The following KCTD4 variants were observed in gnomAD, a reference collection of about 807,000 sequenced individuals.
KCTD4 encodes the protein potassium channel tetramerization domain containing 4.
A neutral mutation model predicts 18.3 loss-of-function variants in KCTD4; 12 were observed. The ratio of observed to expected loss-of-function variants is 0.66; its 90% CI spans 0.42 to 1.06. The LOEUF is 1.06. Among genes scored for constraint, KCTD4 ranks in the 50% least tolerant of loss-of-function variants. The pLI is 0.00. For missense variants in KCTD4, 250 were observed against 303.4 expected, an observed-to-expected ratio of 0.82 and a Z score of 1.31; for synonymous variants, 124 against 110.5, an observed-to-expected ratio of 1.12 and a Z score of -0.76.
At position 45,194,077 on chromosome 13, in the gene KCTD4, A is replaced by C. The variant is rs1028298701; in HGVS notation, c.491T>G (p.Phe164Cys). 20 of 1,614,008 alleles carry C rather than the reference A, an allele frequency of 1.2e-5. No individual in the cohort carries two copies. Among genetic ancestry groups the C allele is most frequent in the Non-Finnish European group, 1.7e-5 (20 of 1,180,024 alleles). ...GLRIFCNAPD[F>C]ISKIKSRIVL... ...AATGCGAGACTTTATTTTTGATATG[A>C]AATCAGGAGCATTACAGAAGATTCT... The change falls in exon 2 of 2, where the codon TTC (phenylalanine) becomes TGC (cysteine). Residue 164 changes from phenylalanine (F) to cysteine (C), a missense_variant. By Grantham distance (205) the Phe-to-Cys change is radical. Coordinates refer to ENST00000379108, the MANE Select transcript of KCTD4 (RefSeq NM_198404.3).
chr13:45,197,142 C>T (rs1005795563), intron 1 of KCTD4, among the ~76,000 whole-genome samples: 15 of 151,776 alleles, frequency 9.9e-5, no homozygotes, highest in African/African-American at 3.6e-4. Context: ...GTCTTAGTGC[C>T]TGGCTTATAC....
chr13:45,193,938 T>G lies in KCTD4; in HGVS notation c.630A>C (p.Leu210=). The change falls in exon 2 of 2, where the codon CTA becomes CTC. Residue 210 remains leucine, a synonymous_variant. Coordinates refer to ENST00000379108, the MANE Select transcript of KCTD4 (RefSeq NM_198404.3). ...TACAGACAAAGGTGTTGTCTTCCTT[T>G]AGTACAAGTCGAGTGCCATTTTCAG... ...IKSENGTRLV[L]KEDNTFVCTL... is the part of the protein sequence containing the mutation. The G allele has an allele frequency of 1.2e-6, 2 of 1,614,170 alleles. No individual in the cohort carries two copies. The highest frequency in any genetic ancestry group is 1.7e-6 in the Non-Finnish European group (2 of 1,180,012).
In KCTD4 at chr13:45,193,642, C is replaced by T. The variant is rs1488702325; in HGVS notation, c.*146G>A. 5.9e-6 allele frequency: 4 copies of T among 680,224 alleles called. No homozygotes were observed. The highest frequency in any genetic ancestry group is 7.4e-6 in the Non-Finnish European group (3 of 407,706). The allele number at this position is 680,224 out of a possible 1,614,324, so 42.1% of individuals were successfully genotyped here. ...AGGACATCTTTAGCGATAGAATTTA[C>T]ATACCGTTAGCTCACAGTAATTGAT... On this transcript the variant is annotated 3_prime_UTR_variant, in exon 2 of 2. Coordinates refer to ENST00000379108, the MANE Select transcript of KCTD4 (RefSeq NM_198404.3).
At chr13:45,200,621 G>A (rs1391592565) in intron 1 of KCTD4, among the ~76,000 whole-genome samples, 2 of 152,194 alleles carry the variant, frequency 1.3e-5, no homozygotes, top group Non-Finnish European at 2.9e-5. Flanking sequence ...ATAGAGATCA[G>A]AATATTACTT....
At chr13:45,195,458 G>T (rs1363335266) in intron 1 of KCTD4, among the ~76,000 whole-genome samples, 2 of 152,132 alleles carry the variant, frequency 1.3e-5, no homozygotes, top group Non-Finnish European at 2.9e-5. Flanking sequence ...TGTATATACC[G>T]TAGGAAGATA....
Position 45,194,254 on chromosome 13 carries a change from C to A in KCTD4, c.314G>T (p.Arg105Leu). The A allele has an allele frequency of 6.2e-7, 1 of 1,614,102 alleles. No homozygotes were observed. Among genetic ancestry groups the A allele is most frequent in the Non-Finnish European group, 8.5e-7 (1 of 1,180,004 alleles). ...NGELLLPEGF[R>L]ENQLLAQEAE... Reference sequence around the variant, plus strand: ...TTCTTGTGCAAGAAGTTGATTTTCTCGAAACCCTTCGGGCAATAGAAGTTC... The same window carrying A: ...TTCTTGTGCAAGAAGTTGATTTTCTAGAAACCCTTCGGGCAATAGAAGTTC... Residue 105 changes from arginine to leucine, a missense_variant, in exon 2 of 2, where the codon CGA (arginine) becomes CTA (leucine). Physicochemically the swap from Arg to Leu is moderately radical, Grantham distance 102. Coordinates refer to ENST00000379108, the MANE Select transcript of KCTD4 (RefSeq NM_198404.3).
At chr13:45,199,762 A>G (rs569892889) in intron 1 of KCTD4, among the ~76,000 whole-genome samples, 3 of 152,350 alleles carry the variant, frequency 2.0e-5, no homozygotes, top group South Asian at 4.1e-4. Context: ...AAACTCTTGT[A>G]AAGGTAGTAC....
At chr13:45,199,374 AT>A (rs1873062203) in intron 1 of KCTD4, among the ~76,000 whole-genome samples, 2 of 152,212 alleles carry the variant, frequency 1.3e-5, no homozygotes, top group Non-Finnish European at 1.5e-5. Context: ...CATTTCTTTG[AT>A]TTTCACTACA....
At position 45,193,663 on chromosome 13, in the gene KCTD4, T is replaced by G; in HGVS notation, c.*125A>C. 2 of 816,666 alleles carry G rather than the reference T, an allele frequency of 2.4e-6. No individual in the cohort carries two copies. Among genetic ancestry groups the G allele is most frequent in the Non-Finnish European group, 1.9e-6 (1 of 514,038 alleles). 50.6% of individuals were successfully genotyped at this position (816,666 alleles called of 1,614,324 possible). On this transcript the variant is annotated 3_prime_UTR_variant, in exon 2 of 2. Coordinates refer to ENST00000379108, the MANE Select transcript of KCTD4 (RefSeq NM_198404.3). ...TTTACATACCGTTAGCTCACAGTAA[T>G]TGATTAGTAGCAGGGCTCTGTAGTA...
chr13:45,199,809 C>T (rs745314226), intron 1 of KCTD4, among the ~76,000 whole-genome samples: 39 of 152,156 alleles, frequency 2.6e-4, no homozygotes, highest in Non-Finnish European at 4.9e-4. Flanking sequence ...GTCTCTGTTA[C>T]CGTATACTAG....
rs550541067 is a variant in KCTD4, at chr13:45,193,681, C to T, written c.*107G>A. 1 of 1,004,566 alleles carries T rather than the reference C, an allele frequency of 1.0e-6. No individual in the cohort carries two copies. The highest frequency in any genetic ancestry group is 1.6e-5 in the African/African-American group (1 of 61,838). The allele number at this position is 1,004,566 out of a possible 1,614,324, so 62.2% of individuals were successfully genotyped here. A position where few individuals can be genotyped will look rare whatever the true frequency, so the allele number is the denominator to read the frequency against. On this transcript the variant is annotated 3_prime_UTR_variant, in exon 2 of 2. Coordinates refer to ENST00000379108, the MANE Select transcript of KCTD4 (RefSeq NM_198404.3). ...ACAGTAATTGATTAGTAGCAGGGCT[C>T]TGTAGTACAGAGCTAGCTGGGCATG...
Position 45,193,029 on chromosome 13 carries a change from AATC to A in KCTD4, c.*756_*758del, listed in dbSNP as rs781246627. On this transcript the variant is annotated 3_prime_UTR_variant, in exon 2 of 2. Coordinates refer to ENST00000379108, the MANE Select transcript of KCTD4 (RefSeq NM_198404.3). ...GACATCAATGCATAATTTTATGCAAAATCATCAAGTGGTACTGTTTGCTTTTAA... is the reference window on the plus strand; with the variant it reads ...GACATCAATGCATAATTTTATGCAAAATCAAGTGGTACTGTTTGCTTTTAA... 5 of 152,208 alleles carry A rather than the reference AATC, an allele frequency of 3.3e-5. No homozygotes were observed. The highest frequency in any genetic ancestry group is 6.5e-5 in the Admixed American group (1 of 15,276). 9.4% of individuals were successfully genotyped at this position (152,208 alleles called of 1,614,324 possible).
chr13:45,200,920 C>T lies in KCTD4; in HGVS notation c.-284G>A, dbSNP rs182085758. 1.4e-4 allele frequency among the ~76,000 whole-genome samples: 21 copies of T among 152,244 alleles called. No homozygotes were observed. Among genetic ancestry groups the T allele is most frequent in the Middle Eastern group, 3.4e-3 (1 of 294 alleles). ...GTCAGGAGAGTAAGGAGAGTAACTT[C>T]GAGGTCTGGAGGATCAGCCTGAAAT... is the stretch of plus-strand genomic sequence containing the variant. On this transcript the variant is annotated 5_prime_UTR_variant, in exon 1 of 2. Transcript: ENST00000379108.
At position 45,194,681 on chromosome 13, in the gene KCTD4, G is replaced by T; in HGVS notation, c.-114C>A. The T allele has an allele frequency of 1.0e-6, 1 of 971,772 alleles. No homozygotes were observed. Among genetic ancestry groups the T allele is most frequent in the Non-Finnish European group, 1.6e-6 (1 of 643,676 alleles). The allele number at this position is 971,772 out of a possible 1,614,324, so 60.2% of individuals were successfully genotyped here. On this transcript the variant is annotated 5_prime_UTR_variant, in exon 2 of 2. Coordinates refer to ENST00000379108, the MANE Select transcript of KCTD4 (RefSeq NM_198404.3). ...CCCAGCCTGGTGATGGAATGGAAAC[G>T]CTGGCAGCATCGCCTGCGCTGTCAG...
At chr13:45,200,469 GCTAA>G (rs1370400995) in intron 1 of KCTD4, among the ~76,000 whole-genome samples, 1 of 152,020 alleles carries the variant, frequency 6.6e-6, no homozygotes, top group African/African-American at 2.4e-5. Flanking sequence ...ACCATACCTG[GCTAA>G]CTTTTTTATC....
rs763965849 is a variant in KCTD4, at chr13:45,194,547, T to C, written c.21A>G (p.Arg7=). The change falls in exon 2 of 2, where the codon AGA becomes AGG. Residue 7 remains arginine (R), a synonymous_variant. Transcript: ENST00000379108. ...CTTCATACTCCTTTTCTTTTTCTCTTCTGTTTATTTTACGCTCCATTTTTT... is the reference window on the plus strand; with the variant it reads ...CTTCATACTCCTTTTCTTTTTCTCTCCTGTTTATTTTACGCTCCATTTTTT... MERKIN[R]REKEKEYEGK... is the part of the protein sequence containing the mutation. The C allele has an allele frequency of 2.5e-6, 4 of 1,611,514 alleles. No homozygotes were observed. In the East Asian group the frequency reaches 6.7e-5, roughly 27 times the overall value.
At chr13:45,196,053 T>G (rs1466649591) in intron 1 of KCTD4, among the ~76,000 whole-genome samples, 1 of 152,228 alleles carries the variant, frequency 6.6e-6, no homozygotes, top group East Asian at 1.9e-4. Context: ...TTGGAAGAGA[T>G]TCTTCTAAAA....
intron 1 of KCTD4, among the ~76,000 whole-genome samples, 171 bp from the exon 2 acceptor site, chr13:45,194,925 A>C (rs1872816467): frequency 6.6e-6 from 1 of 152,256 alleles, no homozygotes; most frequent in South Asian, 2.1e-4. Context: ...CCAAATGTGA[A>C]TGTTTAACTA....
At chr13:45,194,798 G>A in intron 1 of KCTD4, 44 bp from the exon 2 acceptor site, 2 of 529,856 alleles carry the variant, frequency 3.8e-6, no homozygotes, top group East Asian at 3.0e-5. Context: ...ACTGTATCAG[G>A]GAAGGGATTT....
Sources: gnomAD v4.1 joint callset for allele counts (sites outside exome capture counted in the v4.1 genomes callset) on GRCh38, gnomAD v4.1.1 for gene constraint, MANE v1.5 for transcripts, NCBI Gene and HGNC (gene_info 2026-07-23, HGNC 2026-07-21) for gene names.